RFC1: variants seen among roughly 807,000 people sequenced by gnomAD.
RFC1 encodes A1 140 kDa subunit.
In RFC1, 37 loss-of-function variants were observed where a neutral mutation model predicts 137.4. The observed-to-expected ratio is 0.27, with a 90% confidence interval of 0.21 to 0.35. The LOEUF is 0.35. Ranked by LOEUF, RFC1 falls within the 10% of genes least tolerant of loss-of-function variation. The pLI is 1.00. For synonymous variants in RFC1, 429 were observed against 455.7 expected (o/e 0.94, Z 0.75); for missense variants, 1,205 against 1,358.5 (o/e 0.89, Z 1.78).
intron 4 of RFC1, among the ~76,000 whole-genome samples, chr4:39,335,076 AT>A (rs1464173612): frequency 1.3e-5 from 2 of 152,182 alleles, no homozygotes; most frequent in Non-Finnish European, 2.9e-5. Context: ...CTGTGATTTT[AT>A]TTTCTTTGGT....
At chr4:39,353,228 C>T in intron 1 of RFC1, among the ~76,000 whole-genome samples, 1 of 151,564 alleles carries the variant, frequency 6.6e-6, no homozygotes, top group East Asian at 1.9e-4. Flanking sequence ...TGGTGAAATC[C>T]CATTTCTACT....
At chr4:39,349,462 T>C (rs1253342733) in intron 2 of RFC1, among the ~76,000 whole-genome samples, 2 of 152,154 alleles carry the variant, frequency 1.3e-5, no homozygotes, top group East Asian at 3.9e-4. Context: ...TCTCCACCAG[T>C]GCTCAATCTC....
chr4:39,288,708 T>C lies in RFC1; in HGVS notation c.*53A>G. ...AAAACAAGGCTTTCTCTAGACCAGCTGGACTGGTCAGGAGGGAGAGTAAAA... is the reference window on the plus strand; with the variant it reads ...AAAACAAGGCTTTCTCTAGACCAGCCGGACTGGTCAGGAGGGAGAGTAAAA... On this transcript the variant is annotated 3_prime_UTR_variant, in exon 25 of 25. Transcript: ENST00000349703. 8.9e-7 allele frequency: 1 copy of C among 1,125,784 alleles called. No homozygotes were observed. Among genetic ancestry groups the C allele is most frequent in the East Asian group, 2.3e-5 (1 of 42,714 alleles). The allele number at this position is 1,125,784 out of a possible 1,614,324, so 69.7% of individuals were successfully genotyped here.
intron 1 of RFC1, among the ~76,000 whole-genome samples, chr4:39,353,397 C>CAA (rs11416030): frequency 0.15 from 9,436 of 63,362 alleles, 1,119 homozygotes; most frequent in East Asian, 0.26. Flanking sequence ...GAGACTGTCT[C>CAA]AAAAAAAAAA....
chr4:39,314,556 C>T (rs1739139782), intron 10 of RFC1, among the ~76,000 whole-genome samples: 1 of 152,008 alleles, frequency 6.6e-6, no homozygotes, highest in Non-Finnish European at 1.5e-5. Context: ...TTCACTGAAA[C>T]CTGTCTGTCC....
In RFC1 at chr4:39,288,077, T is replaced by G. The variant is rs1737469558; in HGVS notation, c.*684A>C. ...AGTTCTGACTCCTCGACTGCCAATG[T>G]TATGTTTCACACAACAGGTTAGTAA... On this transcript the variant is annotated 3_prime_UTR_variant, in exon 25 of 25. Coordinates refer to ENST00000349703, the MANE Select transcript of RFC1 (RefSeq NM_002913.5). 1 of 152,226 alleles carries G rather than the reference T, an allele frequency of 6.6e-6. No individual in the cohort carries two copies. The highest frequency in any genetic ancestry group is 2.4e-5 in the African/African-American group (1 of 41,454). The allele number at this position is 152,226 out of a possible 1,614,324, so 9.4% of individuals were successfully genotyped here.
intron 1 of RFC1, among the ~76,000 whole-genome samples, chr4:39,360,021 A>G (rs1244559729): frequency 1.3e-5 from 2 of 152,012 alleles, no homozygotes; most frequent in Non-Finnish European, 2.9e-5. Flanking sequence ...CATGGAAATA[A>G]AAAATTTAAA....
intron 12 of RFC1, among the ~76,000 whole-genome samples, chr4:39,309,977 T>C (rs1354334554): frequency 6.6e-6 from 1 of 152,160 alleles, no homozygotes; most frequent in Non-Finnish European, 1.5e-5. Context: ...ACTTTACTAG[T>C]GAAGGAACCC....
chr4:39,316,838 A>G (rs764509493), intron 10 of RFC1, 77 bp downstream of exon 10: 8 of 823,058 alleles, frequency 9.7e-6, no homozygotes, highest in African/African-American at 1.7e-5. Flanking sequence ...CTCTGCTGCT[A>G]TAATCATCGT....
chr4:39,323,218 TA>T, intron 7 of RFC1, 121 bp downstream of exon 7: 2 of 608,834 alleles, frequency 3.3e-6, no homozygotes, highest in Non-Finnish European at 5.1e-6. Flanking sequence ...AACATTTTTA[TA>T]AAATAATTTA....
At chr4:39,312,696 G>T in intron 11 of RFC1, 56 bp downstream of exon 11, 1 of 1,491,826 alleles carries the variant, frequency 6.7e-7, no homozygotes, top group South Asian at 1.3e-5. Flanking sequence ...ATCACATCAA[G>T]AGTGTGCCAA....
chr4:39,339,630 G>A (rs1397184827), intron 4 of RFC1, among the ~76,000 whole-genome samples: 1 of 151,964 alleles, frequency 6.6e-6, no homozygotes, highest in Non-Finnish European at 1.5e-5. Context: ...TTCATACATT[G>A]TAGATATCAT....
intron 15 of RFC1, among the ~76,000 whole-genome samples, chr4:39,304,067 C>T (rs1245364765): frequency 1.3e-5 from 2 of 152,172 alleles, no homozygotes; most frequent in Non-Finnish European, 2.9e-5. Context: ...CAGAGTTGTA[C>T]CAATCTACCC....
intron 1 of RFC1, among the ~76,000 whole-genome samples, chr4:39,365,751 G>C (rs1741989937): frequency 6.6e-6 from 1 of 152,068 alleles, no homozygotes; most frequent in South Asian, 2.1e-4. Context: ...ATGACGAGCG[G>C]AGATGAGACG....
intron 1 of RFC1, among the ~76,000 whole-genome samples, chr4:39,360,923 G>A (rs548226746): frequency 6.6e-6 from 1 of 152,256 alleles, no homozygotes; most frequent in South Asian, 2.1e-4. Context: ...TTTTAAAACA[G>A]CCCACCAAAT....
chr4:39,365,923 T>C (rs1480421118), intron 1 of RFC1, among the ~76,000 whole-genome samples: 1 of 152,216 alleles, frequency 6.6e-6, no homozygotes, highest in Non-Finnish European at 1.5e-5. Context: ...AAAATAACTT[T>C]ACCAATGCGT....
In RFC1 at chr4:39,309,010, T is replaced by A; in HGVS notation, c.1511A>T (p.Glu504Val). 1 of 1,606,680 alleles carries A rather than the reference T, an allele frequency of 6.2e-7. No individual in the cohort carries two copies. Among genetic ancestry groups the A allele is most frequent in the Non-Finnish European group, 8.5e-7 (1 of 1,178,364 alleles). The change falls in exon 13 of 25, where the codon GAG becomes GTG. Residue 504 changes from glutamate (E) to valine (V), a missense_variant. Physicochemically the swap from Glu to Val is moderately radical, Grantham distance 121. Transcript: ENST00000349703. Reference protein sequence around the residue: ...ETEMKKESKLERTPQKNVQGK... With the variant: ...ETEMKKESKLVRTPQKNVQGK... The stretch of plus-strand genomic sequence containing the variant: ...TTGGACATTTTTTTGGGGTGTTCTC[T>A]CCAGTTTGGACTCTTTCTTCATCTT...
intron 3 of RFC1, among the ~76,000 whole-genome samples, chr4:39,343,130 C>G (rs1229115234): frequency 6.6e-6 from 1 of 152,186 alleles, no homozygotes; most frequent in Admixed American, 6.5e-5. Context: ...TCAAGCGATT[C>G]TCCTGCCTCA....
chr4:39,306,710 A>G lies in RFC1; in HGVS notation c.1886-9T>C. On this transcript the variant is annotated splice_polypyrimidine_tract_variant and intron_variant, in intron 13 of 24. Coordinates refer to ENST00000349703, the MANE Select transcript of RFC1 (RefSeq NM_002913.5). Reference sequence around the variant, plus strand: ...AAATTTACCAAACTTTGCTGCTAGGAAAAAAGAAGTTCCAGAGTGTCAACC... The same window carrying G: ...AAATTTACCAAACTTTGCTGCTAGGGAAAAAGAAGTTCCAGAGTGTCAACC... 1.3e-6 allele frequency: 2 copies of G among 1,564,034 alleles called. No individual in the cohort carries two copies.
Sources: gnomAD v4.1 joint callset for allele counts (sites outside exome capture counted in the v4.1 genomes callset) on GRCh38, gnomAD v4.1.1 for gene constraint, MANE v1.5 for transcripts, NCBI Gene and HGNC (gene_info 2026-07-23, HGNC 2026-07-21) for gene names.